CALCRL: variants seen among roughly 807,000 people sequenced by gnomAD.
CALCRL encodes the protein calcitonin gene-related peptide type 1 receptor.
Under a neutral mutation model 60.4 loss-of-function variants are expected in CALCRL, and 27 were observed. That is an observed-to-expected ratio of 0.45 (90% confidence interval 0.33 to 0.62). The LOEUF is 0.62. CALCRL is among the 20% of genes least tolerant of loss of function. CALCRL has a pLI of 0.03. For synonymous variants in CALCRL, 190 were observed against 182.6 expected (o/e 1.04, Z -0.33); for missense variants, 424 against 540.7 (o/e 0.78, Z 2.14).
intron 14 of CALCRL, among the ~76,000 whole-genome samples, chr2:187,347,630 CACACACACACACAT>C (rs1445547415): frequency 2.0e-5 from 3 of 151,688 alleles, no homozygotes; most frequent in South Asian, 2.1e-4. Flanking sequence ...GATTAAAACA[CACACACACACACAT>C]ACACACACAC....
chr2:187,375,501 CA>C (rs1454620470), intron 8 of CALCRL, among the ~76,000 whole-genome samples: 1 of 152,122 alleles, frequency 6.6e-6, no homozygotes, highest in African/African-American at 2.4e-5. Context: ...GCAAGACATT[CA>C]TTTGCTTTAA....
At chr2:187,400,128 G>A (rs918309463) in intron 1 of CALCRL, among the ~76,000 whole-genome samples, 1 of 151,340 alleles carries the variant, frequency 6.6e-6, no homozygotes, top group African/African-American at 2.4e-5. Flanking sequence ...ATATAAGTTC[G>A]AGGTGATTGA....
chr2:187,390,133 T>C (rs1688372297), intron 1 of CALCRL, among the ~76,000 whole-genome samples: 1 of 152,144 alleles, frequency 6.6e-6, no homozygotes, highest in Non-Finnish European at 1.5e-5. Context: ...AAGTCTACTT[T>C]CTTACAAAAT....
chr2:187,418,695 C>CTT (rs1689727043), intron 1 of CALCRL, among the ~76,000 whole-genome samples: 2 of 151,858 alleles, frequency 1.3e-5, no homozygotes, highest in African/African-American at 2.4e-5. Flanking sequence ...AGTAATTTAC[C>CTT]AACCTTTGCA....
intron 1 of CALCRL, among the ~76,000 whole-genome samples, chr2:187,431,836 G>T (rs1690422681): frequency 6.6e-6 from 1 of 151,968 alleles, no homozygotes; most frequent in South Asian, 2.1e-4. Flanking sequence ...AGCAAGCTAA[G>T]GGAGAATAGG....
rs1009579564 is a variant in CALCRL, at chr2:187,441,188, G to A, written c.-293+6851C>T. 2.6e-5 allele frequency among the ~76,000 whole-genome samples: 4 copies of A among 151,916 alleles called. 1 individual carries two copies. Among genetic ancestry groups the A allele is most frequent in the Admixed American group, 1.3e-4 (2 of 15,226 alleles). On this transcript the variant is annotated intron_variant, in intron 1 of 14. Coordinates refer to ENST00000392370, the MANE Select transcript of CALCRL (RefSeq NM_005795.6). Reference sequence around the variant, plus strand: ...TTAACCAAGGAAAACATAAAATTGCGAACACAGTGAATCTGGTTGTTGTTT... The same window carrying A: ...TTAACCAAGGAAAACATAAAATTGCAAACACAGTGAATCTGGTTGTTGTTT...
chr2:187,379,307 A>G (rs933838985), intron 7 of CALCRL, among the ~76,000 whole-genome samples: 12 of 152,096 alleles, frequency 7.9e-5, no homozygotes, highest in African/African-American at 2.4e-4. Flanking sequence ...TATTAAATCT[A>G]TGAGGCAAAA....
At chr2:187,400,855 G>A (rs909074077) in intron 1 of CALCRL, among the ~76,000 whole-genome samples, 1 of 151,446 alleles carries the variant, frequency 6.6e-6, no homozygotes, top group Non-Finnish European at 1.5e-5. Context: ...AGGTGAAGGA[G>A]CTATTGGGGG....
In CALCRL at chr2:187,342,807, T is replaced by A. The variant is rs1686139400; in HGVS notation, c.*3377A>T. Among the ~76,000 whole-genome samples, 1 of 151,656 alleles carries A rather than the reference T, an allele frequency of 6.6e-6. No individual in the cohort carries two copies. The highest frequency in any genetic ancestry group is 3.2e-3 in the Middle Eastern group (1 of 314). On this transcript the variant is annotated 3_prime_UTR_variant, in exon 15 of 15. Transcript: ENST00000392370. ...TCTCATATAGTGTGATATTTTGAAT[T>A]CTCCTTTGAATTTTTGTAACATCTT...
chr2:187,435,239 A>G (rs926995809), intron 1 of CALCRL, among the ~76,000 whole-genome samples: 2 of 152,166 alleles, frequency 1.3e-5, no homozygotes, highest in African/African-American at 4.8e-5. Flanking sequence ...GAAGTCTACA[A>G]TCATGACAAA....
At position 187,366,345 on chromosome 2, in the gene CALCRL, G is replaced by A. The variant is rs376606105; in HGVS notation, c.501-2843C>T. On this transcript the variant is annotated intron_variant, in intron 8 of 14. Transcript: ENST00000392370. ...AATAAGTAGTTTTAAATAGCTAGAA[G>A]GATTATGTGGGCATATTGCATGATA... Among the ~76,000 whole-genome samples, 116 of 151,410 alleles carry A rather than the reference G, an allele frequency of 7.7e-4. 2 individuals carry two copies. In the South Asian group the frequency reaches 0.024, roughly 31 times the overall value.
intron 1 of CALCRL, among the ~76,000 whole-genome samples, chr2:187,404,659 T>A (rs1689038200): frequency 6.6e-6 from 1 of 151,046 alleles, no homozygotes; most frequent in South Asian, 2.1e-4. Flanking sequence ...GGAGTTTCCT[T>A]ACTAAATTCT....
chr2:187,446,549 C>T (rs866712964), intron 1 of CALCRL, among the ~76,000 whole-genome samples: 1 of 151,328 alleles, frequency 6.6e-6, no homozygotes, highest in Non-Finnish European at 1.5e-5. Flanking sequence ...AATATAATAC[C>T]TCCTAAGAAA....
chr2:187,428,986 T>C (rs1690279564), intron 1 of CALCRL: 1 of 151,980 alleles, frequency 6.6e-6, no homozygotes, highest in Non-Finnish European at 1.5e-5. Context: ...ATATAAATAT[T>C]GCTTCAATTT....
intron 12 of CALCRL, among the ~76,000 whole-genome samples, chr2:187,352,891 C>T (rs1686597961): frequency 6.6e-6 from 1 of 151,836 alleles, no homozygotes; most frequent in African/African-American, 2.4e-5. Context: ...TATGAGGGAA[C>T]TTTGAACCAG....
chr2:187,401,147 C>T (rs909021910), intron 1 of CALCRL, among the ~76,000 whole-genome samples: 1 of 151,514 alleles, frequency 6.6e-6, no homozygotes, highest in Non-Finnish European at 1.5e-5. Flanking sequence ...TGAGTGTTCT[C>T]ATGAAGTGTA....
intron 1 of CALCRL, among the ~76,000 whole-genome samples, chr2:187,412,494 G>A (rs928284355): frequency 2.0e-5 from 3 of 152,078 alleles, no homozygotes; most frequent in African/African-American, 4.8e-5. Flanking sequence ...ATATTTAAGC[G>A]AAATGATTTC....
In CALCRL at chr2:187,398,921, A is replaced by G. The variant is rs562714669; in HGVS notation, c.-292-11165T>C. On this transcript the variant is annotated intron_variant, in intron 1 of 14. Coordinates refer to ENST00000392370, the MANE Select transcript of CALCRL (RefSeq NM_005795.6). ...GAGCCCTTTAATTTGGCCGTATTTG[A>G]AGGCAGATACAATTCTAGAAATCCT... is the stretch of plus-strand genomic sequence containing the variant. Among the ~76,000 whole-genome samples, 3 of 151,796 alleles carry G rather than the reference A, an allele frequency of 2.0e-5. No homozygotes were observed. In the East Asian group the frequency reaches 5.8e-4, roughly 29 times the overall value.
At chr2:187,404,512 T>A (rs1321740372) in intron 1 of CALCRL, among the ~76,000 whole-genome samples, 1 of 151,664 alleles carries the variant, frequency 6.6e-6, no homozygotes, top group Non-Finnish European at 1.5e-5. Context: ...TTATTTTTTT[T>A]TTTTGTAGAA....
Sources: gnomAD v4.1 joint callset for allele counts (sites outside exome capture counted in the v4.1 genomes callset) on GRCh38, gnomAD v4.1.1 for gene constraint, MANE v1.5 for transcripts, NCBI Gene and HGNC (gene_info 2026-07-23, HGNC 2026-07-21) for gene names.